Variants in WNT9B observed in about 807,000 individuals in gnomAD.
WNT9B encodes protein Wnt-9b.
WNT9B carries 12 observed loss-of-function variants against 30.2 expected under a neutral mutation model. The observed-to-expected ratio is 0.40, with a 90% CI of 0.26 to 0.64. The LOEUF (loss-of-function observed/expected upper bound fraction) is 0.64, where lower values mean the gene tolerates loss of function less well. WNT9B is among the 30% of genes least tolerant of loss of function. The probability of loss-of-function intolerance (pLI) is 0.42; values close to 1 mark genes in which losing one functional copy is unlikely to be tolerated. For missense variants in WNT9B, 442 were observed against 485.2 expected (o/e 0.91, Z 0.84); for synonymous variants, 218 against 216.9 (o/e 1.01, Z -0.05).
chr17:46,839,912 TTTTCTTTC>T (rs10635916), intron 1 of WNT9B, among the ~76,000 whole-genome samples: 13,166 of 113,270 alleles, frequency 0.12, 848 homozygotes, highest in East Asian at 0.16. Flanking sequence ...ACATTTTCTC[TTTTCTTTC>T]TTTCTTTCTT....
At chr17:46,847,715 A>C (rs1262600731), upstream of WNT9B, among the ~76,000 whole-genome samples, 1 of 152,078 alleles carries the variant, frequency 6.6e-6, no homozygotes, top group Non-Finnish European at 1.5e-5. Flanking sequence ...TTGGGTCCAG[A>C]GTTCATTTCC....
chr17:46,846,984 A>T (rs1401770996), upstream of WNT9B, among the ~76,000 whole-genome samples: 2 of 152,162 alleles, frequency 1.3e-5, no homozygotes, highest in Non-Finnish European at 2.9e-5. Flanking sequence ...TTTCCTGCAA[A>T]TGCTTAAAGT....
At position 46,851,755 on chromosome 17, in the gene WNT9B, C is replaced by T; in HGVS notation, c.77+40C>T. The T allele has an allele frequency of 9.5e-7, 1 of 1,051,556 alleles. No homozygotes were observed. The highest frequency in any genetic ancestry group is 1.2e-6 in the Non-Finnish European group (1 of 814,710). 65.1% of individuals were successfully genotyped at this position (1,051,556 alleles called of 1,614,324 possible). On this transcript the variant is annotated intron_variant, in intron 1 of 3. Transcript: ENST00000290015. This position sits in a 1 kb window ranked among gnomAD's most constrained non-coding sequence, Gnocchi z 4.3. ...CGCCCCCCGCCCGCTCCCCGGCCTG[C>T]CTGTCTCTCCCTCCTGCGCTACAGC...
At chr17:46,857,843 T>G (rs548595006) in intron 1 of WNT9B, among the ~76,000 whole-genome samples, 1 of 152,246 alleles carries the variant, frequency 6.6e-6, no homozygotes, top group African/African-American at 2.4e-5. Context: ...CATTTTCCCA[T>G]GTGTATATTG....
At chr17:46,859,689 C>T (rs528435162) in intron 1 of WNT9B, among the ~76,000 whole-genome samples, 10 of 152,100 alleles carry the variant, frequency 6.6e-5, no homozygotes, top group African/African-American at 1.9e-4. Flanking sequence ...CATTGTATTT[C>T]GGCATAGATT....
At chr17:46,850,926 G>A (rs2084833460), upstream of WNT9B, among the ~76,000 whole-genome samples, 1 of 152,182 alleles carries the variant, frequency 6.6e-6, no homozygotes, top group South Asian at 2.1e-4. Context: ...AGCCCACGGA[G>A]GCCCACGCTG....
At chr17:46,865,794 A>G (rs568013965) in intron 1 of WNT9B, among the ~76,000 whole-genome samples, 2 of 152,190 alleles carry the variant, frequency 1.3e-5, no homozygotes, top group Non-Finnish European at 2.9e-5. Context: ...TTAATTTTGT[A>G]GAGACAACGT....
At chr17:46,865,542 T>C (rs776490298) in intron 1 of WNT9B, among the ~76,000 whole-genome samples, 2 of 151,514 alleles carry the variant, frequency 1.3e-5, no homozygotes, top group Non-Finnish European at 2.9e-5. Flanking sequence ...GGAGTAGGGG[T>C]TGGGGAGCCA....
downstream of WNT9B, among the ~76,000 whole-genome samples, chr17:46,883,158 AT>A (rs1264290091): frequency 2.7e-5 from 4 of 148,720 alleles, no homozygotes; most frequent in African/African-American, 1.0e-4. Flanking sequence ...TTGTTTTTGT[AT>A]TTTTAGTAGA....
In WNT9B at chr17:46,875,085, T is replaced by G. The variant is rs769916709; in HGVS notation, c.335-16T>G. ...CCCCTTTCCTCCCTCCCTATGCCCCTGGGTGCCCGATCCAGGCTTCAAAGA... is the reference window on the plus strand; with the variant it reads ...CCCCTTTCCTCCCTCCCTATGCCCCGGGGTGCCCGATCCAGGCTTCAAAGA... On this transcript the variant is annotated splice_polypyrimidine_tract_variant and intron_variant, in intron 2 of 3. Coordinates refer to ENST00000290015, the MANE Select transcript of WNT9B (RefSeq NM_003396.3). 2 of 1,613,408 alleles carry G rather than the reference T, an allele frequency of 1.2e-6. No homozygotes were observed. Among genetic ancestry groups the G allele is most frequent in the South Asian group, 2.2e-5 (2 of 91,094 alleles).
At chr17:46,863,979 G>A (rs747183260) in intron 1 of WNT9B, among the ~76,000 whole-genome samples, 4 of 152,194 alleles carry the variant, frequency 2.6e-5, no homozygotes, top group Non-Finnish European at 1.5e-5. Flanking sequence ...AGGAGAACAA[G>A]TGGAATCTGC....
chr17:46,836,139 G>GTGTGTGTGTGTGTGTGT (rs1555692776), intron 1 of WNT9B, among the ~76,000 whole-genome samples: 1 of 73,516 alleles, frequency 1.4e-5, no homozygotes, highest in African/African-American at 7.5e-5. Context: ...TGTGTGTCTC[G>GTGTGTGTGTGTGTGTGT]GTTGTGGTGG....
intron 1 of WNT9B, among the ~76,000 whole-genome samples, chr17:46,863,849 C>T (rs2085085314): frequency 6.6e-6 from 1 of 152,168 alleles, no homozygotes; most frequent in Non-Finnish European, 1.5e-5. Flanking sequence ...GAGCCGCTCA[C>T]AACTACATCC....
intron 1 of WNT9B, among the ~76,000 whole-genome samples, chr17:46,863,903 T>C (rs2085086608): frequency 6.6e-6 from 1 of 152,148 alleles, no homozygotes; most frequent in Non-Finnish European, 1.5e-5. Context: ...GGATCCTTGA[T>C]CAGGCAGGGA....
intron 1 of WNT9B, among the ~76,000 whole-genome samples, chr17:46,861,456 C>T (rs1004912334): frequency 6.6e-5 from 10 of 152,316 alleles, no homozygotes; most frequent in Non-Finnish European, 1.0e-4. Context: ...CCTTCATCTT[C>T]TGCCTCCATG....
intron 1 of WNT9B, among the ~76,000 whole-genome samples, 181 bp from the exon 2 acceptor site, chr17:46,872,336 A>G (rs1019427596): frequency 2.0e-5 from 3 of 152,252 alleles, no homozygotes; most frequent in African/African-American, 7.2e-5. Flanking sequence ...AAGGTCCTGC[A>G]GCAACCTTTG....
intron 1 of WNT9B, among the ~76,000 whole-genome samples, chr17:46,837,375 A>C (rs1162915429): frequency 6.6e-6 from 1 of 152,210 alleles, no homozygotes; most frequent in African/African-American, 2.4e-5. Flanking sequence ...CTTCTTAGGC[A>C]GAATTTGGAG....
rs533137144 is a variant in WNT9B, at chr17:46,851,834, G to C, written c.77+119G>C. 1 of 477,306 alleles carries C rather than the reference G, an allele frequency of 2.1e-6. No homozygotes were observed. The highest frequency in any genetic ancestry group is 9.1e-5 in the South Asian group (1 of 10,996). 29.6% of individuals were successfully genotyped at this position (477,306 alleles called of 1,614,324 possible). On this transcript the variant is annotated intron_variant, in intron 1 of 3. Coordinates refer to ENST00000290015, the MANE Select transcript of WNT9B (RefSeq NM_003396.3). This position sits in a 1 kb window ranked among gnomAD's most constrained non-coding sequence, Gnocchi z 4.3. ...TGGCCCCGCCGAGGTCTCGAACTCA[G>C]ACCCTAGCCCGGCGCGACCCAACCC...
chr17:46,865,671 G>A (rs1235568124), intron 1 of WNT9B, among the ~76,000 whole-genome samples: 3 of 152,064 alleles, frequency 2.0e-5, no homozygotes, highest in African/African-American at 4.8e-5. Flanking sequence ...GCTGGAGTGC[G>A]GTGGCGTGAT....
Sources: gnomAD v4.1 joint callset for allele counts (sites outside exome capture counted in the v4.1 genomes callset) on GRCh38, gnomAD v4.1.1 for gene constraint, Gnocchi (gnomAD v3.1) non-coding constraint, MANE v1.5 for transcripts, NCBI Gene and HGNC (gene_info 2026-07-23, HGNC 2026-07-21) for gene names.